Variants in COX7A2L observed in about 807,000 individuals in gnomAD.
COX7A2L encodes cytochrome c oxidase subunit 7A2 like.
Under a neutral mutation model 14.2 loss-of-function variants are expected in COX7A2L, and 18 were observed. The ratio of observed to expected loss-of-function variants is 1.27; its 90% CI spans 0.88 to 1.88. The LOEUF is 1.88. Among genes scored for constraint, COX7A2L ranks in the 40% most tolerant of loss-of-function variants. The pLI is 0.00. For missense variants in COX7A2L, 179 were observed against 138.8 expected, an observed-to-expected ratio of 1.29 and a Z score of -1.46; for synonymous variants, 65 against 57.4, an observed-to-expected ratio of 1.13 and a Z score of -0.60.
At chr2:42,343,873 G>C (rs1046035588) in intron 2 of COX7A2L, among the ~76,000 whole-genome samples, 1 of 152,212 alleles carries the variant, frequency 6.6e-6, no homozygotes, top group African/African-American at 2.4e-5. Flanking sequence ...AAGCTGGCCA[G>C]TGTTATCAAA....
upstream of COX7A2L, chr2:42,361,964 AGAG>A (rs1671067027): frequency 6.6e-6 from 1 of 152,226 alleles, no homozygotes; most frequent in Non-Finnish European, 1.5e-5. Flanking sequence ...GGCTTTGTGC[AGAG>A]GAAATACACA....
chr2:42,349,534 A>G lies in COX7A2L; in HGVS notation c.*1685T>C, dbSNP rs1001607250. On this transcript the variant is annotated 3_prime_UTR_variant, in exon 3 of 3. Coordinates refer to ENST00000234301, the MANE Select transcript of COX7A2L (RefSeq NM_004718.4). The stretch of plus-strand genomic sequence containing the variant: ...TATAAGTGTTCTAAAATTGATTCTC[A>G]TGGTGGCTGTACAACTCCAAATACA... 1 of 152,204 alleles carries G rather than the reference A, an allele frequency of 6.6e-6. No homozygotes were observed. Among genetic ancestry groups the G allele is most frequent in the Non-Finnish European group, 1.5e-5 (1 of 68,040 alleles). The allele number at this position is 152,204 out of a possible 1,614,324, so 9.4% of individuals were successfully genotyped here. A position where few individuals can be genotyped will look rare whatever the true frequency, so the allele number is the denominator to read the frequency against.
chr2:42,348,232 C>T (rs28499549), downstream of COX7A2L, among the ~76,000 whole-genome samples: 3,977 of 152,276 alleles, frequency 0.026, 176 homozygotes, highest in African/African-American at 0.09. Context: ...CAGTTTACAA[C>T]TACCTTAGTA....
At chr2:42,353,004 TGAG>T (rs1358314222) in intron 2 of COX7A2L, 1 of 608,692 alleles carries the variant, frequency 1.6e-6, no homozygotes, top group African/African-American at 1.9e-5. Context: ...TAAATACTAA[TGAG>T]GAAATTAACC....
intron 2 of COX7A2L, among the ~76,000 whole-genome samples, chr2:42,335,648 A>G (rs1670254085): frequency 6.6e-6 from 1 of 152,246 alleles, no homozygotes; most frequent in Non-Finnish European, 1.5e-5. Context: ...TGAGGTACAC[A>G]GAAGCCGACT....
intron 1 of COX7A2L, among the ~76,000 whole-genome samples, chr2:42,366,439 T>G (rs559611899): frequency 1.3e-5 from 2 of 152,152 alleles, no homozygotes; most frequent in Admixed American, 6.5e-5. Flanking sequence ...AACAAAAACA[T>G]AGGGTGCTCT....
chr2:42,362,863 CTTTT>C (rs529125372), upstream of COX7A2L, among the ~76,000 whole-genome samples: 9 of 134,266 alleles, frequency 6.7e-5, no homozygotes, highest in Non-Finnish European at 9.5e-5. Flanking sequence ...TAGTGATTTC[CTTTT>C]TTTTTTTTTT....
At chr2:42,346,582 A>G (rs968200402), downstream of COX7A2L, among the ~76,000 whole-genome samples, 8 of 152,116 alleles carry the variant, frequency 5.3e-5, no homozygotes, top group East Asian at 1.5e-3. Context: ...GTTCAAGACC[A>G]GCCTGGGCAA....
chr2:42,336,622 G>C (rs979414976), intron 2 of COX7A2L, among the ~76,000 whole-genome samples: 1 of 152,182 alleles, frequency 6.6e-6, no homozygotes, highest in Non-Finnish European at 1.5e-5. Context: ...TGCCCGTTTG[G>C]CTGGCACTGG....
downstream of COX7A2L, among the ~76,000 whole-genome samples, chr2:42,344,437 T>G (rs970858082): frequency 2.6e-5 from 4 of 152,346 alleles, no homozygotes; most frequent in Admixed American, 2.6e-4. Context: ...AAATTGAAAT[T>G]TGTTTAAATT....
chr2:42,360,998 G>A lies in COX7A2L; in HGVS notation c.72+92C>T, dbSNP rs1275626595. On this transcript the variant is annotated intron_variant, in intron 1 of 2. Transcript: ENST00000234301. ...ACAGAGACGAACTCGACCGCGGGCA[G>A]AAGCCTCCCCTGGCTCCAACGCCGC... 7.9e-6 allele frequency: 11 copies of A among 1,391,018 alleles called. No individual in the cohort carries two copies. In the Admixed American group the frequency reaches 1.5e-4, roughly 19 times the overall value. 86.2% of individuals were successfully genotyped at this position (1,391,018 alleles called of 1,614,324 possible).
rs1670607543 is a variant in COX7A2L at position 42,350,652 on chromosome 2, C to G, written c.*567G>C. On this transcript the variant is annotated 3_prime_UTR_variant, in exon 3 of 3. Coordinates refer to ENST00000234301, the MANE Select transcript of COX7A2L (RefSeq NM_004718.4). ...AACACTAAACAGGTATTCTCTGTTC[C>G]CACGGTGGAATAATTACACATAAGA... 3.7e-5 allele frequency: 4 copies of G among 107,894 alleles called. No individual in the cohort carries two copies. The allele number at this position is 107,894 out of a possible 1,614,324, so 6.7% of individuals were successfully genotyped here. A position where few individuals can be genotyped will look rare whatever the true frequency, so the allele number is the denominator to read the frequency against.
intron 1 of COX7A2L, 87 bp downstream of exon 1, chr2:42,361,003 C>T: frequency 2.8e-6 from 4 of 1,438,524 alleles, no homozygotes; most frequent in Non-Finnish European, 3.9e-6. Context: ...GGGCAGAAGC[C>T]TCCCCTGGCT....
At chr2:42,347,307 C>CT (rs10718452), downstream of COX7A2L, among the ~76,000 whole-genome samples, 38,960 of 134,340 alleles carry the variant, frequency 0.29, 6,174 homozygotes, top group East Asian at 0.54. Context: ...AAACCAGCAC[C>CT]TTTTTTTTTT....
intron 1 of COX7A2L, among the ~76,000 whole-genome samples, chr2:42,357,088 T>C (rs1670844562): frequency 6.6e-6 from 1 of 152,208 alleles, no homozygotes; most frequent in Non-Finnish European, 1.5e-5. Flanking sequence ...TTTATTTCAA[T>C]TGCTCCAAAT....
At chr2:42,340,346 G>GC (rs1469506247) in intron 2 of COX7A2L, among the ~76,000 whole-genome samples, 10 of 152,226 alleles carry the variant, frequency 6.6e-5, no homozygotes, top group Admixed American at 1.3e-4. Flanking sequence ...TCACTCCCAG[G>GC]CCCCCATCAG....
At chr2:42,355,853 G>A (rs1465806327) in intron 1 of COX7A2L, among the ~76,000 whole-genome samples, 1 of 149,858 alleles carries the variant, frequency 6.7e-6, no homozygotes, top group African/African-American at 2.5e-5. Context: ...AGCCTCCTGA[G>A]TAGTTGGGAC....
chr2:42,341,229 G>A (rs1039872974), intron 2 of COX7A2L, among the ~76,000 whole-genome samples: 5 of 152,130 alleles, frequency 3.3e-5, no homozygotes, highest in African/African-American at 9.7e-5. Flanking sequence ...TCAGGAGACT[G>A]AGGCTGCAGA....
chr2:42,335,978 C>G (rs1484591841), intron 2 of COX7A2L, among the ~76,000 whole-genome samples: 1 of 152,250 alleles, frequency 6.6e-6, no homozygotes, highest in Non-Finnish European at 1.5e-5. Context: ...AATGCCTGTT[C>G]TTCCTGCCTT....
Sources: allele counts gnomAD v4.1 joint callset (sites outside exome capture counted in the v4.1 genomes callset), GRCh38; gene constraint gnomAD v4.1.1; transcripts MANE v1.5; gene names NCBI Gene and HGNC (gene_info 2026-07-23, HGNC 2026-07-21).